PAX2: variants seen among roughly 807,000 people sequenced by gnomAD.
The protein encoded by PAX2 is paired box protein Pax-2.
A neutral mutation model predicts 41.7 loss-of-function variants in PAX2; 9 were observed. That is an observed-to-expected ratio of 0.22 (90% CI 0.13 to 0.38). The LOEUF is 0.38. Ranked by LOEUF, PAX2 falls within the 10% of genes least tolerant of loss-of-function variation. The probability of loss-of-function intolerance (pLI) is 1.00; values close to 1 mark genes in which losing one functional copy is unlikely to be tolerated. For synonymous variants in PAX2, 221 were observed against 212.7 expected, an observed-to-expected ratio of 1.04 and a Z score of -0.34; for missense variants, 418 against 531.6, an observed-to-expected ratio of 0.79 and a Z score of 2.10.
chr10:100,741,409 CAAAAA>C (rs71013465), upstream of PAX2, among the ~76,000 whole-genome samples: 26,213 of 111,240 alleles, frequency 0.24, 2,911 homozygotes, highest in South Asian at 0.31. Context: ...GAAGCTCTTC[CAAAAA>C]AAAAAAAAAA....
intron 1 of PAX2, chr10:100,749,204 C>A: frequency 1.0e-6 from 1 of 988,686 alleles, no homozygotes; most frequent in Non-Finnish European, 1.2e-6. Context: ...AGGCAGAGAG[C>A]AAAGGGGGGT....
rs1848659664 is a variant in PAX2, at chr10:100,828,333, C to T, written c.*714C>T. 1 of 232,684 alleles carries T rather than the reference C, an allele frequency of 4.3e-6. No individual in the cohort carries two copies. Among genetic ancestry groups the T allele is most frequent in the African/African-American group, 2.2e-5 (1 of 45,360 alleles). 14.4% of individuals were successfully genotyped at this position (232,684 alleles called of 1,614,324 possible). A position where few individuals can be genotyped will look rare whatever the true frequency, so the allele number is the denominator to read the frequency against. On this transcript the variant is annotated 3_prime_UTR_variant, in exon 10 of 10. Coordinates refer to ENST00000355243, the MANE Select transcript of PAX2 (RefSeq NM_000278.5). This position sits in a 1 kb window ranked among gnomAD's most constrained non-coding sequence, Gnocchi z 6.5. The stretch of plus-strand genomic sequence containing the variant: ...GGATCGGGGGGCCCAGCAGCCCGCA[C>T]CGATCGAGCCGGACTCTCGGCTCTT...
intron 3 of PAX2, among the ~76,000 whole-genome samples, chr10:100,763,572 G>A (rs1018839312): frequency 6.6e-6 from 1 of 152,200 alleles, no homozygotes; most frequent in Non-Finnish European, 1.5e-5. Context: ...TCCTTCCCCC[G>A]AAAGTTGGCC....
intron 3 of PAX2, among the ~76,000 whole-genome samples, chr10:100,760,571 G>A (rs1263641747): frequency 1.3e-5 from 2 of 152,190 alleles, no homozygotes; most frequent in African/African-American, 4.8e-5. Flanking sequence ...GGTGTGTGTA[G>A]TATCGCACTA....
chr10:100,825,930 G>A (rs1848539978), intron 8 of PAX2, among the ~76,000 whole-genome samples: 1 of 136,800 alleles, frequency 7.3e-6, no homozygotes, highest in Admixed American at 7.6e-5. Context: ...GCTGGAGGAG[G>A]TTTTAAAGAG....
upstream of PAX2, among the ~76,000 whole-genome samples, chr10:100,743,239 A>AT (rs775278069): frequency 4.6e-5 from 7 of 152,264 alleles, no homozygotes; most frequent in Non-Finnish European, 7.4e-5. Context: ...CAGAAGGTGC[A>AT]TGTGAAGGAC....
chr10:100,744,462 G>T (rs1589803554), upstream of PAX2, among the ~76,000 whole-genome samples: 1 of 152,250 alleles, frequency 6.6e-6, no homozygotes, highest in Non-Finnish European at 1.5e-5. Context: ...TGCCTGGTGC[G>T]TGCGAGCGGA....
intron 4 of PAX2, among the ~76,000 whole-genome samples, chr10:100,780,710 C>G (rs1283173686): frequency 6.6e-6 from 1 of 152,146 alleles, no homozygotes; most frequent in African/African-American, 2.4e-5. Flanking sequence ...TCTTGTGTCT[C>G]CTGGAGAATC....
Position 100,746,035 on chromosome 10 carries a change from C to CAGTG in PAX2, c.-225_-222dup. The stretch of plus-strand genomic sequence containing the variant: ...CTGACCGCCCAGCCCCGAGCCCCGA[C>CAGTG]AGTGGCAAGTTGCGGCTACTGCAGT... On this transcript the variant is annotated 5_prime_UTR_variant, in exon 1 of 10. Coordinates refer to ENST00000355243, the MANE Select transcript of PAX2 (RefSeq NM_000278.5). The CAGTG allele has an allele frequency of 6.9e-7, 1 of 1,440,854 alleles. No homozygotes were observed. The highest frequency in any genetic ancestry group is 9.1e-7 in the Non-Finnish European group (1 of 1,104,696). The allele number at this position is 1,440,854 out of a possible 1,614,324, so 89.3% of individuals were successfully genotyped here.
At chr10:100,749,262 ACAGT>A (rs1845338816) in intron 1 of PAX2, 2 of 993,272 alleles carry the variant, frequency 2.0e-6, no homozygotes, top group Non-Finnish European at 2.4e-6. Flanking sequence ...GCTCGGATAA[ACAGT>A]CAGCCGAGCC....
In PAX2 at chr10:100,826,813, C is replaced by T. The variant is rs1848582879; in HGVS notation, c.1022-196C>T. 1.3e-5 allele frequency among the ~76,000 whole-genome samples: 2 copies of T among 152,208 alleles called. No homozygotes were observed. The highest frequency in any genetic ancestry group is 6.5e-5 in the Admixed American group (1 of 15,286). On this transcript the variant is annotated intron_variant, in intron 8 of 9. Transcript: ENST00000355243. This position sits in a 1 kb window ranked among gnomAD's most constrained non-coding sequence, Gnocchi z 5.5. Reference sequence around the variant, plus strand: ...TGTGCGAGCGCGTCGGTGCCTCCCGCCTCCCCGGGCTCTCTCCACGCGGAC... The same window carrying T: ...TGTGCGAGCGCGTCGGTGCCTCCCGTCTCCCCGGGCTCTCTCCACGCGGAC...
chr10:100,757,372 T>G (rs1430862229), intron 3 of PAX2, among the ~76,000 whole-genome samples: 1 of 152,238 alleles, frequency 6.6e-6, no homozygotes, highest in Non-Finnish European at 1.5e-5. Context: ...GATTCCTCAT[T>G]TCACAGTCTA....
intron 3 of PAX2, among the ~76,000 whole-genome samples, chr10:100,759,044 G>A (rs946999088): frequency 2.0e-5 from 3 of 152,186 alleles, no homozygotes; most frequent in Non-Finnish European, 4.4e-5. Context: ...GCTGCCTTGG[G>A]CTGGACAGGG....
rs11314855 is a variant in PAX2 at position 100,798,104 on chromosome 10, C to CTTTT, written c.617-8305_617-8302dup. Among the ~76,000 whole-genome samples the CTTTT allele has an allele frequency of 4.5e-4, 39 of 86,546 alleles. 1 individual carries two copies. The highest frequency in any genetic ancestry group is 9.5e-4 in the African/African-American group (22 of 23,126). The allele number at this position is 86,546 out of a possible 152,430, so 56.8% of individuals were successfully genotyped here. On this transcript the variant is annotated intron_variant, in intron 5 of 9. Coordinates refer to ENST00000355243, the MANE Select transcript of PAX2 (RefSeq NM_000278.5). ...TCCAAAGCCTTCTTCATGTCCACCTCTTTTTTTTTTTTTTTTTTTTTTTTA... is the reference window on the plus strand; with the variant it reads ...TCCAAAGCCTTCTTCATGTCCACCTCTTTTTTTTTTTTTTTTTTTTTTTTTTTTA...
intron 7 of PAX2, among the ~76,000 whole-genome samples, chr10:100,816,211 C>G (rs1049559251): frequency 6.6e-6 from 1 of 152,208 alleles, no homozygotes; most frequent in Admixed American, 6.5e-5. Flanking sequence ...AATGATCTTG[C>G]TATCAAGTGC....
At chr10:100,758,030 C>A (rs1056874489) in intron 3 of PAX2, among the ~76,000 whole-genome samples, 4 of 152,094 alleles carry the variant, frequency 2.6e-5, no homozygotes, top group Admixed American at 1.3e-4. Context: ...GAAATGAGGC[C>A]CTTTCTTTTG....
chr10:100,779,886 TCTC>T lies in PAX2; in HGVS notation c.496+312_496+314del, dbSNP rs544848152. On this transcript the variant is annotated intron_variant, in intron 4 of 9. Transcript: ENST00000355243. ...TAGCATTTCTTCTTCTTTTTCTTCT[TCTC>T]CTCCTCCTGCTTCCCTCTCCCTCAT... Among the ~76,000 whole-genome samples the T allele has an allele frequency of 2.2e-4, 33 of 152,112 alleles. 1 individual carries two copies. The South Asian group carries it at 6.9e-3, about 32-fold the overall frequency.
chr10:100,739,980 C>T (rs1173758243), intron 1 of PAX2, among the ~76,000 whole-genome samples: 1 of 152,204 alleles, frequency 6.6e-6, no homozygotes, highest in African/African-American at 2.4e-5. Flanking sequence ...CAGGTGGTGG[C>T]TTCTCAGTTC....
intron 3 of PAX2, among the ~76,000 whole-genome samples, chr10:100,768,106 G>GA (rs1232987389): frequency 6.6e-6 from 1 of 151,672 alleles, no homozygotes; most frequent in Non-Finnish European, 1.5e-5. Flanking sequence ...ATTGTGATGT[G>GA]AAAATCTCAA....
Sources: allele counts gnomAD v4.1 joint callset (sites outside exome capture counted in the v4.1 genomes callset), GRCh38; gene constraint gnomAD v4.1.1; non-coding constraint Gnocchi (gnomAD v3.1); transcripts MANE v1.5; gene names NCBI Gene and HGNC (gene_info 2026-07-23, HGNC 2026-07-21).